The following NRG3 variants were observed in gnomAD, a reference collection of about 807,000 sequenced individuals.
NRG3 encodes pro-neuregulin-3, membrane-bound isoform.
In NRG3, 31 loss-of-function variants were observed where a neutral mutation model predicts 66.9. That is an observed-to-expected ratio of 0.46 (90% CI 0.35 to 0.63). The LOEUF is 0.63. NRG3 is among the 20% of genes least tolerant of loss of function. The pLI, the probability that NRG3 is intolerant of heterozygous loss-of-function variation, is 0.00. For synonymous variants in NRG3, 393 were observed against 359.4 expected (o/e 1.09, Z -1.06); for missense variants, 910 against 878.9 (o/e 1.04, Z -0.45).
intron 3 of NRG3, among the ~76,000 whole-genome samples, chr10:82,786,569 C>T (rs1267595136): frequency 6.6e-6 from 1 of 151,938 alleles, no homozygotes; most frequent in African/African-American, 2.4e-5. Context: ...ATAAATCACG[C>T]CTTGAGTATG....
intron 3 of NRG3, among the ~76,000 whole-genome samples, chr10:82,803,621 C>T (rs943486243): frequency 7.2e-5 from 11 of 152,078 alleles, no homozygotes; most frequent in African/African-American, 2.7e-4. Context: ...ACATCATTTG[C>T]AGAACATTGC....
At chr10:82,043,908 A>C (rs2063149836) in intron 1 of NRG3, among the ~76,000 whole-genome samples, 1 of 152,078 alleles carries the variant, frequency 6.6e-6, no homozygotes, top group Non-Finnish European at 1.5e-5. Flanking sequence ...AATAAATACC[A>C]AAGCTCTTCT....
chr10:82,040,670 T>A (rs1211053970), intron 1 of NRG3, among the ~76,000 whole-genome samples: 1 of 151,774 alleles, frequency 6.6e-6, no homozygotes, highest in Non-Finnish European at 1.5e-5. Flanking sequence ...GATAAAACAA[T>A]TTGTCTGTTG....
At chr10:82,279,141 A>G (rs1490533717) in intron 1 of NRG3, among the ~76,000 whole-genome samples, 2 of 152,146 alleles carry the variant, frequency 1.3e-5, no homozygotes, top group Non-Finnish European at 2.9e-5. Flanking sequence ...TAGTCATTTC[A>G]CAGGAAGAAA....
chr10:82,079,024 T>C (rs1232328203), intron 1 of NRG3, among the ~76,000 whole-genome samples: 1 of 152,220 alleles, frequency 6.6e-6, no homozygotes, highest in Non-Finnish European at 1.5e-5. Flanking sequence ...AAACGTGTTG[T>C]ATTAATTAAT....
intron 2 of NRG3, among the ~76,000 whole-genome samples, chr10:82,423,953 G>A (rs1275985109): frequency 1.3e-5 from 2 of 151,868 alleles, no homozygotes; most frequent in Admixed American, 6.6e-5. Flanking sequence ...AAGTTTATCC[G>A]TGTTGTAGCA....
intron 1 of NRG3, among the ~76,000 whole-genome samples, chr10:81,999,177 A>G (rs1276635722): frequency 6.6e-6 from 1 of 152,228 alleles, no homozygotes; most frequent in African/African-American, 2.4e-5. Context: ...ATTGACAGTA[A>G]ACAGCCATCA....
intron 2 of NRG3, among the ~76,000 whole-genome samples, chr10:82,720,155 C>A (rs1306085912): frequency 6.6e-6 from 1 of 152,094 alleles, no homozygotes. Flanking sequence ...TTCGGGAGGC[C>A]GAGGTGGGCT....
intron 1 of NRG3, chr10:81,877,767 C>A (rs1841804874): frequency 9.5e-6 from 13 of 1,362,784 alleles, no homozygotes; most frequent in Non-Finnish European, 1.2e-5. Flanking sequence ...TCTCCTTTGG[C>A]TGAAGCAGTC....
chr10:82,783,121 A>G (rs886695535), intron 3 of NRG3, among the ~76,000 whole-genome samples: 1 of 152,222 alleles, frequency 6.6e-6, no homozygotes, highest in Non-Finnish European at 1.5e-5. Flanking sequence ...GACTATCTCA[A>G]TAGATACAGA....
At chr10:82,649,851 G>C (rs2051268316) in intron 2 of NRG3, among the ~76,000 whole-genome samples, 1 of 152,018 alleles carries the variant, frequency 6.6e-6, no homozygotes, top group Admixed American at 6.6e-5. Flanking sequence ...GTGGAATTTG[G>C]GTGGACTGAT....
chr10:82,316,559 AC>A (rs2081307476), intron 1 of NRG3, among the ~76,000 whole-genome samples: 1 of 152,052 alleles, frequency 6.6e-6, no homozygotes, highest in Non-Finnish European at 1.5e-5. Context: ...GGGACCAGAA[AC>A]CTTCTTTAAG....
intron 2 of NRG3, among the ~76,000 whole-genome samples, chr10:82,584,558 G>A (rs1246958988): frequency 6.6e-6 from 1 of 152,168 alleles, no homozygotes; most frequent in Non-Finnish European, 1.5e-5. Context: ...AAAAACTCTA[G>A]CTTGAACTTT....
intron 2 of NRG3, among the ~76,000 whole-genome samples, chr10:82,455,179 G>T (rs938956143): frequency 2.6e-5 from 4 of 152,110 alleles, no homozygotes; most frequent in Non-Finnish European, 5.9e-5. Context: ...TTTACTTTCA[G>T]ATAATATATA....
At chr10:82,811,370 CAAT>C (rs2061486895) in intron 3 of NRG3, among the ~76,000 whole-genome samples, 1 of 152,192 alleles carries the variant, frequency 6.6e-6, no homozygotes, top group Admixed American at 6.5e-5. Context: ...ACTTGTATGT[CAAT>C]GATGTGCGTT....
intron 4 of NRG3, among the ~76,000 whole-genome samples, chr10:82,872,601 G>T (rs1442908029): frequency 6.6e-6 from 1 of 152,006 alleles, no homozygotes; most frequent in Non-Finnish European, 1.5e-5. Flanking sequence ...AGATGTATAA[G>T]ATGTTGGATA....
At position 82,656,116 on chromosome 10, in the gene NRG3, C is replaced by CTT. The variant is rs902863825; in HGVS notation, c.954-82458_954-82457dup. On this transcript the variant is annotated intron_variant, in intron 2 of 8. Coordinates refer to ENST00000372141, the MANE Select transcript of NRG3 (RefSeq NM_001010848.4). ...TGCAGAAGGCAGGTGCAATTTTAAG[C>CTT]TTTTAAACAAGTTCATGTATTACTT... Among the ~76,000 whole-genome samples, 14 of 152,126 alleles carry CTT rather than the reference C, an allele frequency of 9.2e-5. No homozygotes were observed. The East Asian group carries it at 2.7e-3, about 29-fold the overall frequency.
At chr10:82,045,461 A>T in intron 1 of NRG3, among the ~76,000 whole-genome samples, 1 of 72,722 alleles carries the variant, frequency 1.4e-5, no homozygotes, top group African/African-American at 3.7e-5. Context: ...TAGATTCTGG[A>T]TATTAGCCCT....
intron 1 of NRG3, among the ~76,000 whole-genome samples, chr10:82,188,865 A>G (rs1466638899): frequency 1.3e-5 from 2 of 152,186 alleles, no homozygotes; most frequent in East Asian, 3.9e-4. Context: ...CTACAATTTG[A>G]TAGCACAATA....
Sources: allele counts gnomAD v4.1 joint callset (sites outside exome capture counted in the v4.1 genomes callset), GRCh38; gene constraint gnomAD v4.1.1; transcripts MANE v1.5; gene names NCBI Gene and HGNC (gene_info 2026-07-23, HGNC 2026-07-21).